The following NBAS variants were observed in gnomAD, a reference collection of about 807,000 sequenced individuals.
NBAS encodes NBAS subunit of NRZ tethering complex, also known as NAG/BC035112 fusion.
NBAS carries 219 observed loss-of-function variants against 302.5 expected under a neutral mutation model. The ratio of observed to expected loss-of-function variants is 0.72; its 90% CI spans 0.65 to 0.81. The LOEUF (loss-of-function observed/expected upper bound fraction) is 0.81, where lower values mean the gene tolerates loss of function less well. NBAS is among the 30% of genes least tolerant of loss of function. The pLI is 0.00. For synonymous variants in NBAS, 1,118 were observed against 1,021.6 expected, an observed-to-expected ratio of 1.09 and a Z score of -1.80; for missense variants, 2,932 against 2,841.6, an observed-to-expected ratio of 1.03 and a Z score of -0.72.
intron 21 of NBAS, among the ~76,000 whole-genome samples, chr2:15,432,277 T>TAAA (rs199989865): frequency 1.4e-5 from 2 of 141,036 alleles, no homozygotes; most frequent in African/African-American, 5.1e-5. Context: ...CATCTCCACT[T>TAAA]AAAAAAAAAA....
At chr2:15,368,191 CTTTTTT>C (rs1197291033) in intron 31 of NBAS, among the ~76,000 whole-genome samples, 1 of 84,890 alleles carries the variant, frequency 1.2e-5, no homozygotes, top group Non-Finnish European at 2.3e-5. Context: ...AATGTTTTGA[CTTTTTT>C]TTTTTTTTTT....
intron 21 of NBAS, among the ~76,000 whole-genome samples, chr2:15,442,743 G>C (rs563986901): frequency 4.6e-5 from 7 of 151,846 alleles, no homozygotes; most frequent in Admixed American, 2.0e-4. Flanking sequence ...CAACAAAATT[G>C]ATAGACCACT....
chr2:15,287,675 C>T (rs1454674877), intron 41 of NBAS, among the ~76,000 whole-genome samples: 5 of 150,762 alleles, frequency 3.3e-5, no homozygotes, highest in African/African-American at 7.3e-5. Context: ...TAGGCAGTCC[C>T]GTGGAGGCAT....
At chr2:15,018,198 G>A in the NBAS span, among the ~76,000 whole-genome samples, 37 of 151,948 alleles carry the variant, frequency 2.4e-4, no homozygotes, top group African/African-American at 8.4e-4. Context: ...TTACAGCTAG[G>A]AAGGAGAAAT....
At chr2:15,256,200 C>G (rs552796134) in intron 44 of NBAS, among the ~76,000 whole-genome samples, 8 of 152,084 alleles carry the variant, frequency 5.3e-5, no homozygotes, top group Non-Finnish European at 1.0e-4. Flanking sequence ...GGATGTGTTT[C>G]CATTTGTTTC....
chr2:15,063,487 C>A, the NBAS span, among the ~76,000 whole-genome samples: 8 of 152,090 alleles, frequency 5.3e-5, no homozygotes, highest in Non-Finnish European at 1.2e-4. Flanking sequence ...ACATTTTTCA[C>A]AACTGATTTT....
chr2:15,201,118 C>T (rs757727363), intron 48 of NBAS, among the ~76,000 whole-genome samples: 10 of 152,212 alleles, frequency 6.6e-5, no homozygotes, highest in Non-Finnish European at 1.2e-4. Context: ...ATAGTAATCA[C>T]CATACTCTTA....
the NBAS span, among the ~76,000 whole-genome samples, chr2:14,810,019 G>T: frequency 6.6e-6 from 1 of 152,224 alleles, no homozygotes. Flanking sequence ...CTCCCATTTG[G>T]AATGGCTGTA....
chr2:15,306,599 A>G (rs1671044845), intron 40 of NBAS, among the ~76,000 whole-genome samples: 1 of 152,214 alleles, frequency 6.6e-6, no homozygotes, highest in African/African-American at 2.4e-5. Context: ...GACACATGAA[A>G]TTATTTCCTT....
chr2:15,209,110 G>A (rs1320100779), intron 48 of NBAS, among the ~76,000 whole-genome samples: 3 of 151,992 alleles, frequency 2.0e-5, no homozygotes, highest in Non-Finnish European at 4.4e-5. Context: ...AGATGAAAAA[G>A]GAGACATTTC....
chr2:14,844,058 C>G, the NBAS span, among the ~76,000 whole-genome samples: 2 of 152,118 alleles, frequency 1.3e-5, no homozygotes, highest in Admixed American at 1.3e-4. Flanking sequence ...TACTGAGGCA[C>G]CAGTTAGGGC....
At chr2:15,219,309 TTTTTTTC>T (rs1169568872) in intron 47 of NBAS, among the ~76,000 whole-genome samples, 1 of 151,918 alleles carries the variant, frequency 6.6e-6, no homozygotes, top group Non-Finnish European at 1.5e-5. Flanking sequence ...AGTAATTTTT[TTTTTTTC>T]TTTTCTTTTT....
chr2:14,863,397 A>G, the NBAS span, among the ~76,000 whole-genome samples: 1 of 152,154 alleles, frequency 6.6e-6, no homozygotes, highest in Non-Finnish European at 1.5e-5. Context: ...GAAAGTGATT[A>G]TCTGTTGTCA....
the NBAS span, among the ~76,000 whole-genome samples, chr2:15,122,148 C>A: frequency 2.1e-5 from 3 of 141,774 alleles, no homozygotes; most frequent in East Asian, 4.3e-4. Context: ...TTTTTTTTTT[C>A]TTTTTTGCAT....
chr2:15,229,945 T>C (rs909605826), intron 47 of NBAS, among the ~76,000 whole-genome samples: 2 of 152,256 alleles, frequency 1.3e-5, no homozygotes, highest in East Asian at 1.9e-4. Context: ...GGATAGTATA[T>C]ACATAACCCA....
chr2:15,533,673 G>GGTGTGTGTGT (rs1220581737), intron 9 of NBAS, among the ~76,000 whole-genome samples: 5 of 130,678 alleles, frequency 3.8e-5, no homozygotes, highest in Non-Finnish European at 7.9e-5. Context: ...GACTTCGGGG[G>GGTGTGTGTGT]GTGTGCGTGT....
chr2:14,801,794 A>G, the NBAS span, among the ~76,000 whole-genome samples: 17 of 152,202 alleles, frequency 1.1e-4, no homozygotes, highest in Non-Finnish European at 2.1e-4. Flanking sequence ...AGTTATTTAA[A>G]AACAATTTGA....
At chr2:15,533,724 G>A (rs1663345638) in intron 9 of NBAS, among the ~76,000 whole-genome samples, 1 of 101,778 alleles carries the variant, frequency 9.8e-6, no homozygotes. Context: ...GTGTGTGTGT[G>A]TGTGTTCTAG....
At chr2:14,978,279 G>C in the NBAS span, among the ~76,000 whole-genome samples, 1 of 152,098 alleles carries the variant, frequency 6.6e-6, no homozygotes, top group Non-Finnish European at 1.5e-5. Context: ...AGAGTATGTA[G>C]TATCATATTA....
Sources: gnomAD v4.1 joint callset for allele counts (sites outside exome capture counted in the v4.1 genomes callset) on GRCh38, gnomAD v4.1.1 for gene constraint, MANE v1.5 for transcripts, NCBI Gene and HGNC (gene_info 2026-07-23, HGNC 2026-07-21) for gene names.